The following RBM33 variants were observed in gnomAD, a reference collection of about 807,000 sequenced individuals.
RBM33 encodes RNA binding motif protein 33, also known as RNA-binding protein 33.
A neutral mutation model predicts 132.6 loss-of-function variants in RBM33; 28 were observed. The ratio of observed to expected loss-of-function variants is 0.21; its 90% CI spans 0.16 to 0.29. The LOEUF is 0.29. Ranked by LOEUF, RBM33 falls within the 10% of genes least tolerant of loss-of-function variation. The pLI is 1.00. For synonymous variants in RBM33, 634 were observed against 593.0 expected (o/e 1.07, Z -1.01); for missense variants, 1,291 against 1,518.5 (o/e 0.85, Z 2.49).
chr7:155,724,336 C>T (rs777273205), intron 9 of RBM33, among the ~76,000 whole-genome samples: 4 of 152,094 alleles, frequency 2.6e-5, no homozygotes, highest in Non-Finnish European at 5.9e-5. Context: ...CGAGACCAGC[C>T]TGGGCAACAT....
At position 155,774,506 on chromosome 7, in the gene RBM33, AT is replaced by A; in HGVS notation, c.3376-47del. The stretch of plus-strand genomic sequence containing the variant: ...ATAATGCTTAAATATATATATTCAT[AT>A]TTTTTATTGTCATTTACAACTGATC... On this transcript the variant is annotated intron_variant, in intron 16 of 17. Transcript: ENST00000401878. This position sits in a 1 kb window ranked among gnomAD's most constrained non-coding sequence, Gnocchi z 4.2. The A allele has an allele frequency of 7.6e-7, 1 of 1,307,654 alleles. No homozygotes were observed. 81.0% of individuals were successfully genotyped at this position (1,307,654 alleles called of 1,614,324 possible).
intron 8 of RBM33, among the ~76,000 whole-genome samples, chr7:155,712,761 T>A (rs886726373): frequency 6.6e-6 from 1 of 152,160 alleles, no homozygotes; most frequent in Non-Finnish European, 1.5e-5. Flanking sequence ...TGTGGAGTGA[T>A]CAAAGCAGAG....
rs560789807 is a variant in RBM33, at chr7:155,778,873, G to C, written c.*3832G>C. ...GAAGGCAGGTCCTAGTCATGTAATT[G>C]CACAGGACAAGGAGGTCAGCGTGTG... is the stretch of plus-strand genomic sequence containing the variant. On this transcript the variant is annotated 3_prime_UTR_variant, in exon 18 of 18. Transcript: ENST00000401878. This position sits in a 1 kb window ranked among gnomAD's most constrained non-coding sequence, Gnocchi z 4.0. 6.5e-6 allele frequency: 1 copy of C among 153,232 alleles called. No homozygotes were observed. The highest frequency in any genetic ancestry group is 2.4e-5 in the African/African-American group (1 of 41,562). 9.5% of individuals were successfully genotyped at this position (153,232 alleles called of 1,614,324 possible).
At chr7:155,683,675 T>A (rs189473386) in intron 5 of RBM33, among the ~76,000 whole-genome samples, 3 of 152,320 alleles carry the variant, frequency 2.0e-5, no homozygotes, top group African/African-American at 7.2e-5. Flanking sequence ...TGAGAGTGAA[T>A]TGTGATTTCA....
chr7:155,687,869 G>T (rs554492507), intron 5 of RBM33, among the ~76,000 whole-genome samples: 19 of 152,246 alleles, frequency 1.2e-4, no homozygotes, highest in African/African-American at 4.6e-4. Flanking sequence ...TGCTGTTTTG[G>T]TTACTATAGC....
rs1345984657 is a variant in RBM33 at position 155,651,133 on chromosome 7, C to T, written c.43+6214C>T. Among the ~76,000 whole-genome samples, 5 of 152,286 alleles carry T rather than the reference C, an allele frequency of 3.3e-5. No individual in the cohort carries two copies. The East Asian group carries it at 9.6e-4, about 29-fold the overall frequency. Reference sequence around the variant, plus strand: ...CCTCAGGTGATCTGCCCGCCTCGGCCTCCCAAAGTGCTAGGATTACAGGCG... The same window carrying T: ...CCTCAGGTGATCTGCCCGCCTCGGCTTCCCAAAGTGCTAGGATTACAGGCG... On this transcript the variant is annotated intron_variant, in intron 1 of 17. Coordinates refer to ENST00000401878, the MANE Select transcript of RBM33 (RefSeq NM_053043.3).
intron 8 of RBM33, among the ~76,000 whole-genome samples, chr7:155,716,359 G>T (rs545767580): frequency 7.4e-6 from 1 of 135,122 alleles, no homozygotes; most frequent in South Asian, 2.4e-4. Flanking sequence ...GGTACTTTGT[G>T]CAAATTACCA....
At chr7:155,673,517 T>TGG (rs1799018428) in intron 3 of RBM33, among the ~76,000 whole-genome samples, 1 of 141,358 alleles carries the variant, frequency 7.1e-6, no homozygotes, top group Non-Finnish European at 1.5e-5. Flanking sequence ...TACACACGTG[T>TGG]ATATATATAC....
chr7:155,759,452 C>G (rs1348141462), intron 14 of RBM33, among the ~76,000 whole-genome samples: 4 of 134,174 alleles, frequency 3.0e-5, no homozygotes, highest in African/African-American at 1.2e-4. Flanking sequence ...GAGTCTCGCT[C>G]TGTCTCCCAG....
At chr7:155,680,387 C>T (rs1308415438) in intron 4 of RBM33, among the ~76,000 whole-genome samples, 2 of 152,202 alleles carry the variant, frequency 1.3e-5, no homozygotes, top group Non-Finnish European at 2.9e-5. Flanking sequence ...GCACAGTTAG[C>T]TCTGCTGTAC....
chr7:155,767,521 C>A (rs1315877906), intron 16 of RBM33, among the ~76,000 whole-genome samples: 1 of 152,212 alleles, frequency 6.6e-6, no homozygotes, highest in Non-Finnish European at 1.5e-5. Context: ...CATGTTAACA[C>A]TAGGGTTGAT....
chr7:155,672,181 T>C (rs535961115), intron 2 of RBM33, among the ~76,000 whole-genome samples: 2 of 152,134 alleles, frequency 1.3e-5, no homozygotes, highest in Admixed American at 6.6e-5. Context: ...TCCTAATCAA[T>C]TATATTGTGC....
chr7:155,710,954 T>C (rs1800267548), intron 7 of RBM33, among the ~76,000 whole-genome samples: 1 of 151,822 alleles, frequency 6.6e-6, no homozygotes, highest in Non-Finnish European at 1.5e-5. Flanking sequence ...TTTGGGGCTG[T>C]TTTCCCTCTT....
At chr7:155,666,367 A>C (rs1798802011) in intron 2 of RBM33, among the ~76,000 whole-genome samples, 3 of 152,358 alleles carry the variant, frequency 2.0e-5, no homozygotes, top group South Asian at 4.1e-4. Context: ...ATGTCTGCCC[A>C]CATTGGTGAG....
At chr7:155,684,785 TG>T in intron 5 of RBM33, 1 of 831,394 alleles carries the variant, frequency 1.2e-6, no homozygotes, top group Non-Finnish European at 1.8e-6. Flanking sequence ...CCTCTGTTTC[TG>T]GGCCTGGTGC....
intron 9 of RBM33, among the ~76,000 whole-genome samples, chr7:155,724,990 TTGTG>T (rs56739117): frequency 0.068 from 8,407 of 123,060 alleles, 283 homozygotes; most frequent in African/African-American, 0.098. Context: ...GTGTACAGGT[TTGTG>T]TGTGTGTGTG....
chr7:155,645,328 A>G (rs1007990715), intron 1 of RBM33: 1 of 174,572 alleles, frequency 5.7e-6, no homozygotes. Flanking sequence ...TTGTGGGGCC[A>G]TCCTGACAGA....
At chr7:155,722,708 T>C (rs368190458) in intron 9 of RBM33, among the ~76,000 whole-genome samples, 1 of 152,246 alleles carries the variant, frequency 6.6e-6, no homozygotes, top group Non-Finnish European at 1.5e-5. Context: ...TTTGAGACTT[T>C]TGTGAATCTA....
At chr7:155,718,756 A>G (rs1477752988) in intron 9 of RBM33, among the ~76,000 whole-genome samples, 1 of 151,958 alleles carries the variant, frequency 6.6e-6, no homozygotes, top group African/African-American at 2.4e-5. Flanking sequence ...TTTATTAGAG[A>G]GGTGGGGGGT....
Sources: allele counts gnomAD v4.1 joint callset (sites outside exome capture counted in the v4.1 genomes callset), GRCh38; gene constraint gnomAD v4.1.1; non-coding constraint Gnocchi (gnomAD v3.1); transcripts MANE v1.5; gene names NCBI Gene and HGNC (gene_info 2026-07-23, HGNC 2026-07-21).